IL31RA: variants seen among roughly 807,000 people sequenced by gnomAD.
The protein encoded by IL31RA is interleukin-31 receptor subunit alpha.
A neutral mutation model predicts 83.7 loss-of-function variants in IL31RA; 66 were observed. The observed-to-expected ratio is 0.79, with a 90% CI of 0.65 to 0.97. IL31RA has a LOEUF of 0.97. IL31RA is among the 50% of genes least tolerant of loss of function. The pLI is 0.00. For synonymous variants in IL31RA, 325 were observed against 329.0 expected, an observed-to-expected ratio of 0.99 and a Z score of 0.13; for missense variants, 798 against 919.4, an observed-to-expected ratio of 0.87 and a Z score of 1.71.
At chr5:55,874,732 A>G (rs542878728) in intron 4 of IL31RA, among the ~76,000 whole-genome samples, 1 of 152,280 alleles carries the variant, frequency 6.6e-6, no homozygotes, top group South Asian at 2.1e-4. Flanking sequence ...GGTAATTGGC[A>G]ACCTTGTTGA....
At position 55,910,563 on chromosome 5, in the gene IL31RA, C is replaced by T. The variant is rs750250796; in HGVS notation, c.1533C>T (p.Tyr511=). The part of the protein sequence containing the change: ...SKTVNSSILQ[Y]GLESLKRKTS... The stretch of plus-strand genomic sequence containing the variant: ...CAGTCAATTCCAGCATCTTGCAGTA[C>T]GGCCTGGAGTCCCTGAAACGAAAGA... Residue 511 remains tyrosine, a synonymous_variant, in exon 12 of 15, where the codon TAC becomes TAT. Coordinates refer to ENST00000652347, the MANE Select transcript of IL31RA (RefSeq NM_139017.7). 68 of 1,614,026 alleles carry T rather than the reference C, an allele frequency of 4.2e-5. No homozygotes were observed. Among genetic ancestry groups the T allele is most frequent in the Middle Eastern group, 3.3e-4 (2 of 6,084 alleles).
At chr5:55,896,566 CTCCCCTCCCT>C in intron 7 of IL31RA, 137 bp downstream of exon 7, 12 of 501,454 alleles carry the variant, frequency 2.4e-5, no homozygotes, top group South Asian at 2.1e-4. Flanking sequence ...CTCCCCTCCC[CTCCCCTCCCT>C]TCCCCCCACC....
In IL31RA at chr5:55,896,337, T is replaced by C. The variant is rs762974191; in HGVS notation, c.773-13T>C. ...TATCTCTGGGTTGAGTACCTCATTC[T>C]TGTTCCTTACAGCTCCATGTGGCCT... On this transcript the variant is annotated splice_polypyrimidine_tract_variant and intron_variant, in intron 6 of 14. Transcript: ENST00000652347. The C allele has an allele frequency of 3.4e-5, 55 of 1,600,690 alleles. No homozygotes were observed. Among genetic ancestry groups the C allele is most frequent in the Admixed American group, 3.0e-4 (18 of 59,984 alleles).
chr5:55,915,057 C>G, intron 14 of IL31RA, 129 bp downstream of exon 14: 2 of 755,538 alleles, frequency 2.6e-6, no homozygotes, highest in Non-Finnish European at 4.7e-6. Flanking sequence ...GTTGAAAAGT[C>G]TCAGGGAATG....
intron 1 of IL31RA, among the ~76,000 whole-genome samples, chr5:55,854,510 C>A (rs777041001): frequency 6.6e-6 from 1 of 151,938 alleles, no homozygotes; most frequent in Non-Finnish European, 1.5e-5. Flanking sequence ...TTTGGGAGGT[C>A]GAGGCAGGTG....
intron 3 of IL31RA, among the ~76,000 whole-genome samples, chr5:55,869,774 T>A (rs1746403491): frequency 6.6e-6 from 1 of 152,166 alleles, no homozygotes; most frequent in Admixed American, 6.5e-5. Flanking sequence ...GTGCCTGTCC[T>A]TTTTAACAAA....
At chr5:55,855,889 T>C (rs535694366) in intron 1 of IL31RA, among the ~76,000 whole-genome samples, 1 of 152,166 alleles carries the variant, frequency 6.6e-6, no homozygotes, top group South Asian at 2.1e-4. Flanking sequence ...TGTTGTTGGT[T>C]TTGTTGTTGT....
chr5:55,880,344 G>C (rs1252409165), intron 4 of IL31RA, among the ~76,000 whole-genome samples: 1 of 152,028 alleles, frequency 6.6e-6, no homozygotes, highest in Non-Finnish European at 1.5e-5. Context: ...TAGGGATTTT[G>C]CTTTCTAAAA....
intron 1 of IL31RA, among the ~76,000 whole-genome samples, chr5:55,855,718 A>G (rs763571112): frequency 6.6e-6 from 1 of 152,166 alleles, no homozygotes; most frequent in Non-Finnish European, 1.5e-5. Context: ...ATAATTTAAC[A>G]TGCTGAAATG....
At chr5:55,848,806 C>T (rs989045005), upstream of IL31RA, among the ~76,000 whole-genome samples, 1 of 152,216 alleles carries the variant, frequency 6.6e-6, no homozygotes, top group Non-Finnish European at 1.5e-5. Context: ...ATGGGAAACA[C>T]TATCCATCCG....
chr5:55,888,637 G>A (rs896958465), intron 5 of IL31RA, among the ~76,000 whole-genome samples: 2 of 152,242 alleles, frequency 1.3e-5, no homozygotes, highest in African/African-American at 4.8e-5. Flanking sequence ...AGGGCACCAT[G>A]TGGTTGGGCC....
chr5:55,885,114 G>A (rs571060176), intron 5 of IL31RA, among the ~76,000 whole-genome samples: 20 of 152,134 alleles, frequency 1.3e-4, no homozygotes, highest in Non-Finnish European at 2.8e-4. Context: ...AGGTTTCTAT[G>A]AATATACCTA....
At chr5:55,842,445 C>CAT in the IL31RA span, among the ~76,000 whole-genome samples, 7 of 152,320 alleles carry the variant, frequency 4.6e-5, no homozygotes, top group South Asian at 1.4e-3. Flanking sequence ...TTTGAGGCCC[C>CAT]ATTGCAGGTG....
At chr5:55,905,958 G>A in intron 8 of IL31RA, 148 bp from the exon 9 acceptor site, 1 of 787,082 alleles carries the variant, frequency 1.3e-6, no homozygotes, top group Non-Finnish European at 2.3e-6. Context: ...AATAAGGGGA[G>A]TGAAAAGAGC....
intron 1 of IL31RA, among the ~76,000 whole-genome samples, chr5:55,857,846 A>T (rs987666415): frequency 1.3e-5 from 2 of 152,196 alleles, no homozygotes; most frequent in Non-Finnish European, 2.9e-5. Flanking sequence ...CTCTTCTTTG[A>T]TTCCAACCAC....
At chr5:55,850,957 G>A (rs1338529052), upstream of IL31RA, among the ~76,000 whole-genome samples, 1 of 152,100 alleles carries the variant, frequency 6.6e-6, no homozygotes, top group Non-Finnish European at 1.5e-5. Flanking sequence ...GGGCTTGGTG[G>A]CGCATGCCTG....
chr5:55,895,898 C>A (rs1561106476), intron 6 of IL31RA, among the ~76,000 whole-genome samples: 3 of 152,058 alleles, frequency 2.0e-5, no homozygotes, highest in Non-Finnish European at 2.9e-5. Flanking sequence ...TTAATTTTTT[C>A]TTTTATTTTA....
At chr5:55,891,068 G>A (rs1197333451) in intron 6 of IL31RA, among the ~76,000 whole-genome samples, 1 of 152,154 alleles carries the variant, frequency 6.6e-6, no homozygotes, top group Non-Finnish European at 1.5e-5. Flanking sequence ...AATGTGTTTA[G>A]CCCATAGTAG....
chr5:55,871,887 T>C (rs1382417004), intron 3 of IL31RA, among the ~76,000 whole-genome samples: 3 of 148,640 alleles, frequency 2.0e-5, no homozygotes, highest in South Asian at 2.1e-4. Flanking sequence ...CATATATGAA[T>C]ATATTTTTAC....
Sources: allele counts gnomAD v4.1 joint callset (sites outside exome capture counted in the v4.1 genomes callset), GRCh38; gene constraint gnomAD v4.1.1; transcripts MANE v1.5; gene names NCBI Gene and HGNC (gene_info 2026-07-23, HGNC 2026-07-21).